The following VSIG1 variants were observed in gnomAD, a reference collection of about 807,000 sequenced individuals.
The protein encoded by VSIG1 is V-set and immunoglobulin domain containing 1.
VSIG1 carries 11 observed loss-of-function variants against 20.1 expected under a neutral mutation model. That is an observed-to-expected ratio of 0.55 (90% CI 0.34 to 0.91). The LOEUF (loss-of-function observed/expected upper bound fraction) is 0.91, where lower values mean the gene tolerates loss of function less well. Ranked by LOEUF, VSIG1 falls within the 40% of genes least tolerant of loss-of-function variation. The pLI is 0.02. For synonymous variants in VSIG1, 126 were observed against 116.7 expected, an observed-to-expected ratio of 1.08 and a Z score of -0.52; for missense variants, 283 against 298.8, an observed-to-expected ratio of 0.95 and a Z score of 0.39.
At chrX:108,045,549 T>G (rs180966063) in intron 1 of VSIG1, among the ~76,000 whole-genome samples, 1 of 113,070 alleles carries the variant, frequency 8.8e-6, no homozygotes, top group East Asian at 2.8e-4. Context: ...GCTCAGTGAT[T>G]GACTTGCTCT....
intron 1 of VSIG1, among the ~76,000 whole-genome samples, chrX:108,053,482 A>G (rs749614867): frequency 8.9e-6 from 1 of 111,741 alleles, no homozygotes; most frequent in Admixed American, 9.5e-5. Context: ...ACAAAGATAT[A>G]TATTTTAAAA....
chrX:108,042,908 CG>C (rs1349759015), upstream of VSIG1, among the ~76,000 whole-genome samples: 6 of 111,385 alleles, frequency 5.4e-5, no homozygotes, highest in African/African-American at 1.3e-4. Context: ...TTCAATGAAA[CG>C]TTTTTTTTTC....
chrX:108,066,021 G>A (rs971702817), intron 2 of VSIG1, among the ~76,000 whole-genome samples: 2 of 111,427 alleles, frequency 1.8e-5, no homozygotes, highest in African/African-American at 6.5e-5. Context: ...ACTAACTCAA[G>A]CCACCTGACC....
intron 5 of VSIG1, among the ~76,000 whole-genome samples, chrX:108,075,127 T>C (rs2031324347): frequency 9.0e-6 from 1 of 111,714 alleles, no homozygotes; most frequent in South Asian, 3.7e-4. Flanking sequence ...GTGATATAAC[T>C]ATTTTGGAAG....
At chrX:108,031,104 C>T in the VSIG1 span, among the ~76,000 whole-genome samples, 12 of 111,748 alleles carry the variant, frequency 1.1e-4, no homozygotes, top group Non-Finnish European at 1.9e-4. Flanking sequence ...ATCTGCCCTC[C>T]AAATACTCCT....
At chrX:108,053,022 G>C (rs1036738491) in intron 1 of VSIG1, among the ~76,000 whole-genome samples, 14 of 111,692 alleles carry the variant, frequency 1.3e-4, no homozygotes, top group Non-Finnish European at 5.6e-5. Context: ...GAAGAGCAGA[G>C]ATGACAGAAA....
intron 4 of VSIG1, 65 bp downstream of exon 4, chrX:108,072,897 G>A: frequency 9.1e-7 from 1 of 1,103,144 alleles, no homozygotes; most frequent in Non-Finnish European, 1.2e-6. Context: ...CAGCAGGAGT[G>A]TGTGGTTGGC....
chrX:108,047,965 T>TATATATATATATATATACAC (rs2030684421), intron 1 of VSIG1, among the ~76,000 whole-genome samples: 1 of 18,702 alleles, frequency 5.3e-5, no homozygotes, highest in Non-Finnish European at 1.0e-4. Context: ...CACACACATA[T>TATATATATATATATATACAC]ATATATATAT....
At chrX:108,043,048 G>A (rs1185901452), upstream of VSIG1, among the ~76,000 whole-genome samples, 2 of 111,326 alleles carry the variant, frequency 1.8e-5, no homozygotes, top group Non-Finnish European at 1.9e-5. Context: ...CTCCCTTAGG[G>A]CAAACTAGGG....
intron 1 of VSIG1, among the ~76,000 whole-genome samples, chrX:108,049,795 C>T (rs558808225): frequency 4.5e-5 from 5 of 111,911 alleles, no homozygotes; most frequent in African/African-American, 9.8e-5. Flanking sequence ...CATTTAAGCA[C>T]GGCCAGAGAT....
the VSIG1 span, among the ~76,000 whole-genome samples, chrX:108,023,604 A>T: frequency 9.0e-6 from 1 of 111,512 alleles, no homozygotes; most frequent in African/African-American, 3.3e-5. Flanking sequence ...TTTTTTAATT[A>T]TTATTACTGA....
intron 1 of VSIG1, among the ~76,000 whole-genome samples, chrX:108,057,418 T>C (rs994471335): frequency 4.5e-5 from 5 of 112,148 alleles, no homozygotes; most frequent in African/African-American, 1.6e-4. Flanking sequence ...TGGAGAAATA[T>C]GAATAAGGTC....
At chrX:108,051,390 C>A (rs1228956054) in intron 1 of VSIG1, among the ~76,000 whole-genome samples, 1 of 111,821 alleles carries the variant, frequency 8.9e-6, no homozygotes, top group African/African-American at 3.3e-5. Context: ...GCGATATGAT[C>A]TGGGACAAAT....
At chrX:108,046,162 T>C (rs963421533) in intron 1 of VSIG1, among the ~76,000 whole-genome samples, 2 of 112,028 alleles carry the variant, frequency 1.8e-5, no homozygotes, top group Non-Finnish European at 3.8e-5. Flanking sequence ...AAGAACATTA[T>C]GCTATTTTTA....
At chrX:108,049,611 C>G (rs1010138044) in intron 1 of VSIG1, among the ~76,000 whole-genome samples, 6 of 111,842 alleles carry the variant, frequency 5.4e-5, no homozygotes, top group Non-Finnish European at 1.1e-4. Context: ...AAATTCTCAC[C>G]CTTAACCAAT....
chrX:108,052,486 T>C (rs1421393412), intron 1 of VSIG1, among the ~76,000 whole-genome samples: 1 of 110,332 alleles, frequency 9.1e-6, no homozygotes, highest in Admixed American at 9.7e-5. Context: ...CATGGTGGCA[T>C]GTGCCTGTGG....
At chrX:108,066,810 C>A in intron 2 of VSIG1, 126 bp from the exon 3 acceptor site, 1 of 632,451 alleles carries the variant, frequency 1.6e-6, no homozygotes, top group Non-Finnish European at 2.4e-6. Flanking sequence ...GCCACAGGGA[C>A]CTGTTCCTGG....
intron 5 of VSIG1, among the ~76,000 whole-genome samples, chrX:108,075,657 T>C (rs1192911729): frequency 9.0e-6 from 1 of 111,120 alleles, no homozygotes; most frequent in Non-Finnish European, 1.9e-5. Flanking sequence ...CACTTCCCAG[T>C]GACCAGAGTG....
At chrX:108,074,131 G>T (rs897907793) in intron 5 of VSIG1, among the ~76,000 whole-genome samples, 1 of 111,901 alleles carries the variant, frequency 8.9e-6, no homozygotes. Context: ...TAACACTTAG[G>T]ATCTTTTTTC....
Sources: allele counts gnomAD v4.1 joint callset (sites outside exome capture counted in the v4.1 genomes callset), GRCh38; gene constraint gnomAD v4.1.1; transcripts MANE v1.5; gene names NCBI Gene and HGNC (gene_info 2026-07-23, HGNC 2026-07-21).